BCKDHB: variants seen among roughly 807,000 people sequenced by gnomAD.
BCKDHB encodes 2-oxoisovalerate dehydrogenase subunit beta, mitochondrial.
Under a neutral mutation model 48.5 loss-of-function variants are expected in BCKDHB, and 41 were observed. The ratio of observed to expected loss-of-function variants is 0.85; its 90% CI spans 0.66 to 1.10. The LOEUF is 1.10. BCKDHB is among the 50% of genes least tolerant of loss of function. The pLI is 0.00. For missense variants in BCKDHB, 496 were observed against 494.2 expected (o/e 1.00, Z -0.03); for synonymous variants, 201 against 174.8 (o/e 1.15, Z -1.18).
Position 80,285,544 on chromosome 6 carries a change from G to A in BCKDHB, c.1038+12323G>A, listed in dbSNP as rs533898940. ...TCTTATATCTGTTCAGAGAACCACAGTATCTTTTCTCCTTTCTGCCTGCCC... is the reference window on the plus strand; with the variant it reads ...TCTTATATCTGTTCAGAGAACCACAATATCTTTTCTCCTTTCTGCCTGCCC... On this transcript the variant is annotated intron_variant, in intron 9 of 9. Coordinates refer to ENST00000320393, the MANE Select transcript of BCKDHB (RefSeq NM_183050.4). Among the ~76,000 whole-genome samples, 5 of 152,162 alleles carry A rather than the reference G, an allele frequency of 3.3e-5. No homozygotes were observed. In the East Asian group the frequency reaches 9.7e-4, roughly 29 times the overall value.
At chr6:80,259,807 T>C (rs1777217172) in intron 8 of BCKDHB, among the ~76,000 whole-genome samples, 1 of 152,112 alleles carries the variant, frequency 6.6e-6, no homozygotes, top group African/African-American at 2.4e-5. Flanking sequence ...AAAAACCCAA[T>C]TCTGAATTTT....
intron 8 of BCKDHB, among the ~76,000 whole-genome samples, chr6:80,248,455 AAG>A (rs1292368838): frequency 6.6e-6 from 1 of 152,166 alleles, no homozygotes; most frequent in East Asian, 1.9e-4. Flanking sequence ...GGTTTGAAAA[AAG>A]ATTAATTCAC....
At chr6:80,374,527 A>G in the BCKDHB span, 1 of 726,584 alleles carries the variant, frequency 1.4e-6, no homozygotes, top group Non-Finnish European at 2.6e-6. Flanking sequence ...CTTGATTTGC[A>G]TGATTTTGTG....
chr6:80,312,720 C>A (rs904049427), intron 9 of BCKDHB, among the ~76,000 whole-genome samples: 1 of 151,946 alleles, frequency 6.6e-6, no homozygotes, highest in Non-Finnish European at 1.5e-5. Flanking sequence ...CTGTTTTTGC[C>A]CTGAATCACA....
At chr6:80,162,744 G>A (rs1772379263) in intron 3 of BCKDHB, among the ~76,000 whole-genome samples, 1 of 151,990 alleles carries the variant, frequency 6.6e-6, no homozygotes. Context: ...CCAGCTACTC[G>A]GGAGGCTGAG....
At chr6:80,237,537 T>G (rs903203069) in intron 8 of BCKDHB, among the ~76,000 whole-genome samples, 2 of 152,226 alleles carry the variant, frequency 1.3e-5, no homozygotes, top group African/African-American at 4.8e-5. Flanking sequence ...ACTTAGTGTT[T>G]ATTATGTGTC....
At chr6:80,232,704 T>A (rs1377915322) in intron 8 of BCKDHB, among the ~76,000 whole-genome samples, 1 of 148,550 alleles carries the variant, frequency 6.7e-6, no homozygotes, top group Non-Finnish European at 1.5e-5. Flanking sequence ...ATTTAATATA[T>A]TTAATATTAT....
chr6:80,316,717 A>T (rs931336987), intron 9 of BCKDHB, among the ~76,000 whole-genome samples: 7 of 151,928 alleles, frequency 4.6e-5, no homozygotes, highest in African/African-American at 1.5e-4. Flanking sequence ...CATTTGTTTT[A>T]CTCTCTCAGT....
In BCKDHB at chr6:80,194,537, G is replaced by C. The variant is rs539353931; in HGVS notation, c.743-6397G>C. 7.2e-5 allele frequency among the ~76,000 whole-genome samples: 11 copies of C among 152,122 alleles called. 1 individual carries two copies. The highest frequency in any genetic ancestry group is 2.7e-4 in the African/African-American group (11 of 41,504). ...TTATTCTGGGGAAGACAGTTCCTTTGTCTTTTTTGTCTGTCATGGTCGCCA... is the reference window on the plus strand; with the variant it reads ...TTATTCTGGGGAAGACAGTTCCTTTCTCTTTTTTGTCTGTCATGGTCGCCA... On this transcript the variant is annotated intron_variant, in intron 6 of 9. Coordinates refer to ENST00000320393, the MANE Select transcript of BCKDHB (RefSeq NM_183050.4).
chr6:80,437,387 G>T, the BCKDHB span, among the ~76,000 whole-genome samples: 4 of 149,622 alleles, frequency 2.7e-5, no homozygotes, highest in Admixed American at 2.0e-4. Context: ...CCTTTTTTTT[G>T]CAAAGAGCCT....
intron 8 of BCKDHB, among the ~76,000 whole-genome samples, chr6:80,248,451 A>G (rs3812124): frequency 0.073 from 11,099 of 152,112 alleles, 586 homozygotes; most frequent in South Asian, 0.24. Flanking sequence ...AATTGGTTTG[A>G]AAAAAGATTA....
At chr6:80,183,772 A>G (rs1773519841) in intron 6 of BCKDHB, among the ~76,000 whole-genome samples, 1 of 152,108 alleles carries the variant, frequency 6.6e-6, no homozygotes, top group African/African-American at 2.4e-5. Context: ...CCCCTGGCAA[A>G]CACTGATAGC....
chr6:80,277,904 C>G (rs1243472081), intron 9 of BCKDHB, among the ~76,000 whole-genome samples: 2 of 151,972 alleles, frequency 1.3e-5, no homozygotes, highest in African/African-American at 4.8e-5. Context: ...TAATAACTTT[C>G]AAGTTAAAGG....
chr6:80,149,451 C>T (rs1268587114), intron 3 of BCKDHB, among the ~76,000 whole-genome samples: 1 of 152,150 alleles, frequency 6.6e-6, no homozygotes, highest in Non-Finnish European at 1.5e-5. Flanking sequence ...CCATTTGACC[C>T]AGCCATCCCA....
intron 8 of BCKDHB, among the ~76,000 whole-genome samples, chr6:80,224,115 C>G (rs1402642869): frequency 1.3e-5 from 2 of 152,118 alleles, no homozygotes; most frequent in South Asian, 2.1e-4. Context: ...AGATTTTCCA[C>G]TGGCTAAGCT....
intron 6 of BCKDHB, among the ~76,000 whole-genome samples, chr6:80,186,159 T>G (rs971264365): frequency 2.0e-5 from 3 of 151,972 alleles, no homozygotes; most frequent in African/African-American, 7.3e-5. Flanking sequence ...GGCTTTAGAG[T>G]TCTCAAGGGT....
intron 9 of BCKDHB, among the ~76,000 whole-genome samples, chr6:80,321,262 C>A (rs1335121087): frequency 6.6e-6 from 1 of 152,132 alleles, no homozygotes; most frequent in Non-Finnish European, 1.5e-5. Flanking sequence ...TACACATTTT[C>A]CATCCTTAAG....
chr6:80,374,152 T>C, the BCKDHB span: 1 of 714,640 alleles, frequency 1.4e-6, no homozygotes, highest in Non-Finnish European at 2.6e-6. Context: ...GGAGAGCTCA[T>C]GTATGGGTTA....
the BCKDHB span, among the ~76,000 whole-genome samples, chr6:80,362,124 A>G: frequency 2.6e-5 from 4 of 152,166 alleles, no homozygotes; most frequent in Non-Finnish European, 4.4e-5. Flanking sequence ...AAGGACAAAC[A>G]TGGACTAGAA....
Sources: gnomAD v4.1 joint callset for allele counts (sites outside exome capture counted in the v4.1 genomes callset) on GRCh38, gnomAD v4.1.1 for gene constraint, MANE v1.5 for transcripts, NCBI Gene and HGNC (gene_info 2026-07-23, HGNC 2026-07-21) for gene names.